Variants in DNAAF11 observed in about 807,000 individuals in gnomAD.
DNAAF11 encodes the protein dynein axonemal assembly factor 11.
A neutral mutation model predicts 60.8 loss-of-function variants in DNAAF11; 45 were observed. The observed-to-expected ratio is 0.74, with a 90% CI of 0.58 to 0.95. The LOEUF is 0.95. Ranked by LOEUF, DNAAF11 falls within the 40% of genes least tolerant of loss-of-function variation. The pLI is 0.00. For missense variants in DNAAF11, 546 were observed against 546.2 expected, an observed-to-expected ratio of 1.00 and a Z score of 0.00; for synonymous variants, 191 against 183.5, an observed-to-expected ratio of 1.04 and a Z score of -0.33.
rs369647108 is a variant in DNAAF11 at position 132,637,992 on chromosome 8, T to G, written c.372A>C (p.Pro124=). The change falls in exon 4 of 12, where the codon CCA becomes CCC. Residue 124 remains proline (P), a synonymous_variant. Coordinates refer to ENST00000620350, the MANE Select transcript of DNAAF11 (RefSeq NM_012472.6). ...HLKELFLMGN[P]CASFDHYREF... Reference sequence around the variant, plus strand: ...CCCTATAGTGGTCAAAGGAAGCACATGGGTTCCCCATGAGAAAGAGCTCCT... The same window carrying G: ...CCCTATAGTGGTCAAAGGAAGCACAGGGGTTCCCCATGAGAAAGAGCTCCT... 1 of 1,614,010 alleles carries G rather than the reference T, an allele frequency of 6.2e-7. No homozygotes were observed. The highest frequency in any genetic ancestry group is 1.7e-5 in the Admixed American group (1 of 60,004).
chr8:132,689,595 T>C, the DNAAF11 span, among the ~76,000 whole-genome samples: 3 of 152,192 alleles, frequency 2.0e-5, no homozygotes, highest in Non-Finnish European at 2.9e-5. Flanking sequence ...TATACATTAA[T>C]TTAAAATTTG....
At chr8:132,596,875 C>T (rs1018461807) in intron 10 of DNAAF11, among the ~76,000 whole-genome samples, 4 of 152,184 alleles carry the variant, frequency 2.6e-5, no homozygotes, top group East Asian at 1.9e-4. Context: ...GAGATCTGTC[C>T]GACTAGGGAC....
chr8:132,578,236 A>G (rs190932397), intron 11 of DNAAF11, among the ~76,000 whole-genome samples: 2 of 152,258 alleles, frequency 1.3e-5, no homozygotes, highest in East Asian at 3.9e-4. Context: ...CTTAGCTAGT[A>G]CATTGTTATC....
intron 8 of DNAAF11, among the ~76,000 whole-genome samples, chr8:132,613,038 TG>T (rs2130030781): frequency 6.6e-6 from 1 of 152,290 alleles, no homozygotes; most frequent in Admixed American, 6.5e-5. Context: ...GATGAAACAG[TG>T]ATTTGTCTGA....
intron 5 of DNAAF11, among the ~76,000 whole-genome samples, chr8:132,631,178 T>C (rs1181855429): frequency 6.6e-6 from 1 of 152,182 alleles, no homozygotes; most frequent in Non-Finnish European, 1.5e-5. Context: ...GAGACCATGA[T>C]GCTACTTTCA....
At chr8:132,579,499 C>T (rs963808918) in intron 11 of DNAAF11, among the ~76,000 whole-genome samples, 4 of 152,050 alleles carry the variant, frequency 2.6e-5, no homozygotes, top group Admixed American at 6.6e-5. Context: ...TGGGTTAAAG[C>T]GTTGAAGGAT....
chr8:132,686,499 G>C, the DNAAF11 span, among the ~76,000 whole-genome samples: 15 of 152,230 alleles, frequency 9.9e-5, no homozygotes, highest in East Asian at 2.9e-3. Flanking sequence ...CACAATACTG[G>C]ATTGTGGAGT....
intron 6 of DNAAF11, among the ~76,000 whole-genome samples, chr8:132,624,811 T>C (rs1820086656): frequency 6.6e-6 from 1 of 152,124 alleles, no homozygotes; most frequent in Admixed American, 6.6e-5. Context: ...TGTAAACAAC[T>C]CAAAAGTGAA....
At chr8:132,647,309 A>C (rs1822496514) in intron 3 of DNAAF11, among the ~76,000 whole-genome samples, 1 of 150,474 alleles carries the variant, frequency 6.6e-6, no homozygotes, top group South Asian at 2.1e-4. Context: ...AATGAGAAAA[A>C]AGAAACCAAT....
intron 10 of DNAAF11, among the ~76,000 whole-genome samples, chr8:132,584,697 C>G (rs939871774): frequency 3.3e-5 from 5 of 152,102 alleles, no homozygotes; most frequent in African/African-American, 1.2e-4. Flanking sequence ...AGGGGAATGA[C>G]TCATTCACCT....
At chr8:132,626,482 G>A (rs891181781) in intron 5 of DNAAF11, among the ~76,000 whole-genome samples, 9 of 152,058 alleles carry the variant, frequency 5.9e-5, no homozygotes, top group Non-Finnish European at 1.2e-4. Context: ...ATTAAACAAC[G>A]TCTCTGTATG....
At chr8:132,597,057 G>C (rs1817084093) in intron 10 of DNAAF11, among the ~76,000 whole-genome samples, 1 of 152,216 alleles carries the variant, frequency 6.6e-6, no homozygotes, top group African/African-American at 2.4e-5. Context: ...TGGCAACTTT[G>C]CAGTTCTGCA....
intron 1 of DNAAF11, among the ~76,000 whole-genome samples, chr8:132,663,701 T>C (rs1354485588): frequency 2.0e-5 from 3 of 152,128 alleles, no homozygotes; most frequent in African/African-American, 7.2e-5. Flanking sequence ...AGAGCCCAAG[T>C]CTTCCTCTCT....
At position 132,661,786 on chromosome 8, in the gene DNAAF11, T is replaced by C. The variant is rs1180984271; in HGVS notation, c.11-159A>G. On this transcript the variant is annotated intron_variant, in intron 1 of 11. Transcript: ENST00000620350. ...TCAAAGTGAGAGAGAAAATGGTACC[T>C]CCTCCTGGAGTTTTTGTGATGCCAT... is the stretch of plus-strand genomic sequence containing the variant. The C allele has an allele frequency of 2.4e-4, 175 of 717,782 alleles. No homozygotes were observed. In the East Asian group the frequency reaches 4.6e-3, roughly 19 times the overall value. 44.5% of individuals were successfully genotyped at this position (717,782 alleles called of 1,614,324 possible).
chr8:132,629,417 G>A (rs7002324), intron 5 of DNAAF11, among the ~76,000 whole-genome samples: 11,163 of 149,984 alleles, frequency 0.074, 1,120 homozygotes, highest in African/African-American at 0.23. Context: ...GCCCAATCTC[G>A]GCTCACTGCA....
At chr8:132,575,733 G>GT (rs1393076917) in intron 11 of DNAAF11, among the ~76,000 whole-genome samples, 1 of 152,142 alleles carries the variant, frequency 6.6e-6, no homozygotes, top group Non-Finnish European at 1.5e-5. Context: ...TTCCAGAGAG[G>GT]TAACACTGAC....
intron 10 of DNAAF11, among the ~76,000 whole-genome samples, chr8:132,600,295 A>T (rs960577311): frequency 3.9e-5 from 6 of 152,212 alleles, no homozygotes; most frequent in African/African-American, 1.4e-4. Context: ...ATGGAAGAAC[A>T]TTCCATGCTC....
At position 132,619,220 on chromosome 8, in the gene DNAAF11, T is replaced by C. The variant is rs188271643; in HGVS notation, c.914+3391A>G. On this transcript the variant is annotated intron_variant, in intron 7 of 11. Transcript: ENST00000620350. Reference sequence around the variant, plus strand: ...AGAACAAAAAACCAAACACCACATGTTCTCACTCATAGGTGGGAATTGAAC... The same window carrying C: ...AGAACAAAAAACCAAACACCACATGCTCTCACTCATAGGTGGGAATTGAAC... 6.4e-3 allele frequency among the ~76,000 whole-genome samples: 969 copies of C among 151,942 alleles called. 15 individuals are homozygous for C. The highest frequency in any genetic ancestry group is 0.023 in the African/African-American group (934 of 41,402).
the DNAAF11 span, among the ~76,000 whole-genome samples, chr8:132,686,483 T>C: frequency 1.3e-5 from 2 of 152,170 alleles, no homozygotes; most frequent in African/African-American, 2.4e-5. Context: ...CACAATGCAG[T>C]ATTTCCACAA....
Sources: allele counts gnomAD v4.1 joint callset (sites outside exome capture counted in the v4.1 genomes callset), GRCh38; gene constraint gnomAD v4.1.1; transcripts MANE v1.5; gene names NCBI Gene and HGNC (gene_info 2026-07-23, HGNC 2026-07-21).